The following PDPN variants were observed in gnomAD, a reference collection of about 807,000 sequenced individuals.
The protein encoded by PDPN is PA2.26 antigen.
A neutral mutation model predicts 23.2 loss-of-function variants in PDPN; 12 were observed. The ratio of observed to expected loss-of-function variants is 0.52; its 90% confidence interval spans 0.33 to 0.84. PDPN has a LOEUF of 0.84. PDPN is among the 40% of genes least tolerant of loss of function. The pLI is 0.02. For synonymous variants in PDPN, 77 were observed against 76.7 expected (o/e 1.00, Z -0.02); for missense variants, 199 against 212.2 (o/e 0.94, Z 0.39).
chr1:13,605,394 G>A (rs1640757420), intron 1 of PDPN, among the ~76,000 whole-genome samples: 1 of 152,214 alleles, frequency 6.6e-6, no homozygotes, highest in Non-Finnish European at 1.5e-5. Context: ...ATTTAGTCAT[G>A]GAATTTCCAG....
chr1:13,584,408 T>C (rs1294529222), intron 1 of PDPN: 23 of 1,117,160 alleles, frequency 2.1e-5, no homozygotes, highest in Non-Finnish European at 2.8e-5. Flanking sequence ...AGGTTCACAG[T>C]AGGCAGCCCC....
At chr1:13,587,474 GGGA>G (rs531647187) in intron 1 of PDPN, among the ~76,000 whole-genome samples, 2 of 152,036 alleles carry the variant, frequency 1.3e-5, no homozygotes, top group African/African-American at 4.8e-5. Context: ...AATACGACGG[GGGA>G]GGAGGAGGAG....
At chr1:13,600,077 G>GT (rs1640603054) in intron 1 of PDPN, among the ~76,000 whole-genome samples, 1 of 152,162 alleles carries the variant, frequency 6.6e-6, no homozygotes, top group Admixed American at 6.6e-5. Flanking sequence ...AAGACTGGAA[G>GT]ATTCTAACAA....
chr1:13,604,420 C>T (rs943010808), intron 1 of PDPN, among the ~76,000 whole-genome samples: 1 of 147,566 alleles, frequency 6.8e-6, no homozygotes, highest in Non-Finnish European at 1.5e-5. Flanking sequence ...GGCGGTGAGA[C>T]AAAAGACATG....
At chr1:13,612,283 T>C (rs11586786) in intron 3 of PDPN, among the ~76,000 whole-genome samples, 12,661 of 152,260 alleles carry the variant, frequency 0.083, 595 homozygotes, top group East Asian at 0.16. Flanking sequence ...CCAAATACGA[T>C]GACGTGCACA....
intron 3 of PDPN, among the ~76,000 whole-genome samples, chr1:13,612,346 T>A (rs910077994): frequency 1.3e-5 from 2 of 152,214 alleles, no homozygotes; most frequent in Admixed American, 6.5e-5. Flanking sequence ...ATGGGAAATA[T>A]GGCACTAATA....
In PDPN at chr1:13,617,057, T is replaced by C. The variant is rs889951182; in HGVS notation, c.*1146T>C. ...CAGTCCTCATGACATACCGCAAATA[T>C]CTGTGGGGTCCTGTTGAAAAGAACA... On this transcript the variant is annotated 3_prime_UTR_variant, in exon 6 of 6. Coordinates refer to ENST00000621990, the MANE Select transcript of PDPN (RefSeq NM_006474.5). 26 of 152,038 alleles carry C rather than the reference T, an allele frequency of 1.7e-4. No homozygotes were observed. Among genetic ancestry groups the C allele is most frequent in the African/African-American group, 6.3e-4 (26 of 41,372 alleles). 9.4% of individuals were successfully genotyped at this position (152,038 alleles called of 1,614,324 possible). A position where few individuals can be genotyped will look rare whatever the true frequency, so the allele number is the denominator to read the frequency against.
At chr1:13,590,528 G>T (rs1484379584) in intron 1 of PDPN, among the ~76,000 whole-genome samples, 2 of 152,298 alleles carry the variant, frequency 1.3e-5, no homozygotes, top group African/African-American at 2.4e-5. Flanking sequence ...TGGTGGGGTT[G>T]GTTGGAGCAG....
At chr1:13,610,900 T>G (rs1640917161) in intron 3 of PDPN, among the ~76,000 whole-genome samples, 1 of 152,230 alleles carries the variant, frequency 6.6e-6, no homozygotes, top group African/African-American at 2.4e-5. Context: ...CACGTTACCT[T>G]GAGTTCATGT....
At chr1:13,587,125 G>A (rs543033241) in intron 1 of PDPN, among the ~76,000 whole-genome samples, 7 of 152,314 alleles carry the variant, frequency 4.6e-5, no homozygotes, top group Non-Finnish European at 7.4e-5. Flanking sequence ...CCTCTTAAAC[G>A]TAGAAACAAA....
rs1640764090 is a variant in PDPN at position 13,605,617 on chromosome 1, C to G, written c.68-1556C>G. The stretch of plus-strand genomic sequence containing the variant: ...TGGTAGTCCACTCCAATTCCCTGCT[C>G]CAGCAGAAACCTTTTTTTTTCTTTG... On this transcript the variant is annotated intron_variant, in intron 1 of 5. Coordinates refer to ENST00000621990, the MANE Select transcript of PDPN (RefSeq NM_006474.5). Among the ~76,000 whole-genome samples the G allele has an allele frequency of 2.0e-5, 3 of 152,236 alleles. 1 individual carries two copies. The Middle Eastern group carries it at 0.01, about 518-fold the overall frequency.
rs113745227 is a variant in PDPN at position 13,592,797 on chromosome 1, G to A, written c.67+8697G>A. 9.4e-3 allele frequency among the ~76,000 whole-genome samples: 1,425 copies of A among 152,068 alleles called. 21 individuals are homozygous for A. The highest frequency in any genetic ancestry group is 0.03 in the African/African-American group (1,243 of 41,494). On this transcript the variant is annotated intron_variant, in intron 1 of 5. Transcript: ENST00000621990. The stretch of plus-strand genomic sequence containing the variant: ...ACTCCCGACCTCAGGTGATTCGTCC[G>A]CCTCTGCCTCCCAAAGTGCTGGGAT...
chr1:13,607,224 G>C lies in PDPN; in HGVS notation c.119G>C (p.Gly40Ala), dbSNP rs199714092. The change falls in exon 2 of 6, where the codon GGC (glycine) becomes GCC (alanine). Residue 40 changes from glycine to alanine, a missense_variant. Physicochemically the swap from Gly to Ala is moderately conservative, Grantham distance 60. Coordinates refer to ENST00000621990, the MANE Select transcript of PDPN (RefSeq NM_006474.5). Reference sequence around the variant, plus strand: ...ACTGAGACTACAGGTTTGGAAGGCGGCGTTGCCATGCCAGGTGCCGAAGAT... The same window carrying C: ...ACTGAGACTACAGGTTTGGAAGGCGCCGTTGCCATGCCAGGTGCCGAAGAT... ...DDTETTGLEG[G>A]VAMPGAEDDV... The C allele has an allele frequency of 1.1e-4, 172 of 1,613,986 alleles. No homozygotes were observed. Among genetic ancestry groups the C allele is most frequent in the Admixed American group, 6.8e-4 (41 of 60,006 alleles).
chr1:13,615,584 C>G (rs1641052220), intron 5 of PDPN, among the ~76,000 whole-genome samples: 1 of 152,016 alleles, frequency 6.6e-6, no homozygotes, highest in Non-Finnish European at 1.5e-5. Flanking sequence ...CCGCACCCAG[C>G]CAAAAACCTT....
At chr1:13,604,318 A>G (rs1640725387) in intron 1 of PDPN, among the ~76,000 whole-genome samples, 1 of 152,190 alleles carries the variant, frequency 6.6e-6, no homozygotes, top group South Asian at 2.1e-4. Flanking sequence ...GGAACTCTTC[A>G]CCCAGGGAAT....
intron 1 of PDPN, among the ~76,000 whole-genome samples, chr1:13,604,184 G>A (rs1033676030): frequency 6.6e-6 from 1 of 152,184 alleles, no homozygotes; most frequent in Non-Finnish European, 1.5e-5. Context: ...GCATATGTAT[G>A]CCTGTGCATA....
chr1:13,583,985 C>T lies in PDPN; in HGVS notation c.-49C>T, dbSNP rs745456102. On this transcript the variant is annotated 5_prime_UTR_variant, in exon 1 of 6. Transcript: ENST00000621990. ...GGTGCTTTTTAATTTTCCCCCAGCT[C>T]AGAATCTTGCTGCTCGGCCCCCAGG... 6.2e-7 allele frequency: 1 copy of T among 1,613,574 alleles called. No individual in the cohort carries two copies. Among genetic ancestry groups the T allele is most frequent in the African/African-American group, 1.3e-5 (1 of 74,942 alleles).
intron 1 of PDPN, among the ~76,000 whole-genome samples, 170 bp from the exon 2 acceptor site, chr1:13,607,003 G>T (rs529445952): frequency 6.6e-6 from 1 of 152,322 alleles, no homozygotes; most frequent in Admixed American, 6.5e-5. Context: ...CAGAAGTGCT[G>T]CAAGGAGAAT....
At chr1:13,600,218 G>C (rs990899033) in intron 1 of PDPN, among the ~76,000 whole-genome samples, 3 of 152,148 alleles carry the variant, frequency 2.0e-5, no homozygotes, top group Non-Finnish European at 4.4e-5. Context: ...CAGGGAGGGA[G>C]GCAGCAGGCA....
Sources: allele counts gnomAD v4.1 joint callset (sites outside exome capture counted in the v4.1 genomes callset), GRCh38; gene constraint gnomAD v4.1.1; transcripts MANE v1.5; gene names NCBI Gene and HGNC (gene_info 2026-07-23, HGNC 2026-07-21).